Variants in STIM1 observed in about 807,000 individuals in gnomAD.
STIM1 encodes stromal interaction molecule 1.
A neutral mutation model predicts 74.7 loss-of-function variants in STIM1; 25 were observed. The observed-to-expected ratio is 0.33, with a 90% CI of 0.24 to 0.47. The LOEUF (loss-of-function observed/expected upper bound fraction) is 0.47. STIM1 is among the 20% of genes least tolerant of loss of function. The pLI is 1.00. For synonymous variants in STIM1, 328 were observed against 348.8 expected (o/e 0.94, Z 0.66); for missense variants, 728 against 920.8 (o/e 0.79, Z 2.71).
chr11:4,010,066 C>T (rs755680747), intron 2 of STIM1, among the ~76,000 whole-genome samples: 1 of 152,100 alleles, frequency 6.6e-6, no homozygotes, highest in South Asian at 2.1e-4. Context: ...CCTTCCACCT[C>T]GGCCTCCCAA....
intron 2 of STIM1, among the ~76,000 whole-genome samples, chr11:3,988,350 T>C (rs11030517): frequency 0.077 from 11,766 of 152,270 alleles, 696 homozygotes; most frequent in Non-Finnish European, 0.11. Flanking sequence ...TTTACATTTT[T>C]TTCTTTCATA....
chr11:3,891,606 A>T (rs913509533), intron 1 of STIM1, among the ~76,000 whole-genome samples: 3 of 152,100 alleles, frequency 2.0e-5, no homozygotes, highest in African/African-American at 7.2e-5. Flanking sequence ...TTAATTATTT[A>T]CTTTGATATC....
intron 7 of STIM1, among the ~76,000 whole-genome samples, chr11:4,080,541 A>G (rs1262458528): frequency 2.1e-5 from 3 of 143,994 alleles, no homozygotes; most frequent in African/African-American, 7.7e-5. Context: ...ATCTTGGCTC[A>G]CTGCAGTCTT....
chr11:4,040,444 A>G (rs751915862), intron 3 of STIM1, among the ~76,000 whole-genome samples: 15 of 152,110 alleles, frequency 9.9e-5, no homozygotes, highest in Non-Finnish European at 1.3e-4. Context: ...TTAAAACTCA[A>G]TTAATCATTT....
intron 1 of STIM1, among the ~76,000 whole-genome samples, chr11:3,895,622 C>CT (rs1320723043): frequency 2.8e-4 from 1 of 3,618 alleles, no homozygotes; most frequent in Non-Finnish European, 7.3e-4. Context: ...TTCTTTCTTT[C>CT]TTTCTTTCTT....
At chr11:3,956,282 AG>A (rs1357675403) in intron 1 of STIM1, among the ~76,000 whole-genome samples, 1 of 152,210 alleles carries the variant, frequency 6.6e-6, no homozygotes, top group Non-Finnish European at 1.5e-5. Context: ...TGCTGTGTGC[AG>A]GATAAGAGTT....
chr11:3,979,833 C>T (rs1358589861), intron 2 of STIM1, among the ~76,000 whole-genome samples: 1 of 152,122 alleles, frequency 6.6e-6, no homozygotes, highest in Non-Finnish European at 1.5e-5. Context: ...TTTCCAGTCC[C>T]CTTTCTTTGC....
At chr11:3,915,194 C>G (rs1045828563) in intron 1 of STIM1, among the ~76,000 whole-genome samples, 7 of 152,076 alleles carry the variant, frequency 4.6e-5, no homozygotes, top group Non-Finnish European at 7.4e-5. Flanking sequence ...AATATTTTCT[C>G]CCATTCTATA....
chr11:3,897,888 C>T (rs7936951), intron 1 of STIM1, among the ~76,000 whole-genome samples: 41,418 of 151,906 alleles, frequency 0.27, 7,418 homozygotes, highest in African/African-American at 0.51. Context: ...TGTATATGTG[C>T]CACATTTTCT....
intron 2 of STIM1, among the ~76,000 whole-genome samples, chr11:4,008,227 G>T (rs2093801958): frequency 6.6e-6 from 1 of 152,016 alleles, no homozygotes; most frequent in African/African-American, 2.4e-5. Flanking sequence ...GTAACATGTT[G>T]TACAAGTTTG....
In STIM1 at chr11:3,887,744, G is replaced by A. The variant is rs543529770; in HGVS notation, c.139+31335G>A. Among the ~76,000 whole-genome samples, 103 of 152,106 alleles carry A rather than the reference G, an allele frequency of 6.8e-4. No homozygotes were observed. In the South Asian group the frequency reaches 0.013, roughly 19 times the overall value. ...AGCACTTTGGGAGGCCGAGACGGGC[G>A]GATCACGAGGTCAGGAGATTGAGAC... On this transcript the variant is annotated intron_variant, in intron 1 of 12. Coordinates refer to ENST00000526596, the MANE Select transcript of STIM1 (RefSeq NM_001382567.1).
chr11:3,894,668 A>G (rs2092002106), intron 1 of STIM1, among the ~76,000 whole-genome samples: 1 of 152,150 alleles, frequency 6.6e-6, no homozygotes. Context: ...TTTAGGGCTG[A>G]TTCCTAGGAA....
chr11:3,991,696 A>G (rs1393344640), intron 2 of STIM1, among the ~76,000 whole-genome samples: 1 of 151,298 alleles, frequency 6.6e-6, no homozygotes. Context: ...CGCCTGTAAT[A>G]CCAGCACTTT....
intron 3 of STIM1, among the ~76,000 whole-genome samples, chr11:4,031,125 T>C (rs886623025): frequency 2.6e-5 from 4 of 152,228 alleles, no homozygotes; most frequent in Admixed American, 2.0e-4. Context: ...TACAGTTTTA[T>C]GTAAATGGAG....
intron 12 of STIM1, among the ~76,000 whole-genome samples, chr11:4,087,207 C>G (rs1016214029): frequency 3.9e-5 from 6 of 152,180 alleles, no homozygotes; most frequent in Non-Finnish European, 7.4e-5. Flanking sequence ...CTGTGCCAGG[C>G]TCTGCTGGGC....
At chr11:3,965,907 T>G (rs964525334) in intron 1 of STIM1, among the ~76,000 whole-genome samples, 11 of 152,268 alleles carry the variant, frequency 7.2e-5, no homozygotes, top group African/African-American at 2.2e-4. Flanking sequence ...CTCGGAAGGC[T>G]GAGGCAGGAG....
chr11:4,072,880 C>T (rs186928941), intron 6 of STIM1, among the ~76,000 whole-genome samples: 1 of 152,164 alleles, frequency 6.6e-6, no homozygotes, highest in African/African-American at 2.4e-5. Context: ...GCATATATCG[C>T]CATCTGGTGT....
At position 3,945,530 on chromosome 11, in the gene STIM1, C is replaced by G. The variant is rs934768905; in HGVS notation, c.140-22022C>G. Among the ~76,000 whole-genome samples, 7 of 152,074 alleles carry G rather than the reference C, an allele frequency of 4.6e-5. 1 individual carries two copies. The highest frequency in any genetic ancestry group is 4.6e-4 in the Admixed American group (7 of 15,258). Reference sequence around the variant, plus strand: ...AGGAGAATCACTTGAACCCGGGAGGCGGAGGTTGCAGTGAGCCGAGATTGC... The same window carrying G: ...AGGAGAATCACTTGAACCCGGGAGGGGGAGGTTGCAGTGAGCCGAGATTGC... On this transcript the variant is annotated intron_variant, in intron 1 of 12. Coordinates refer to ENST00000526596, the MANE Select transcript of STIM1 (RefSeq NM_001382567.1).
Position 3,856,139 on chromosome 11 carries a change from G to A in STIM1, c.-132G>A. The A allele has an allele frequency of 8.0e-7, 1 of 1,244,298 alleles. No individual in the cohort carries two copies. The highest frequency in any genetic ancestry group is 1.2e-6 in the Non-Finnish European group (1 of 866,060). The allele number at this position is 1,244,298 out of a possible 1,614,324, so 77.1% of individuals were successfully genotyped here. On this transcript the variant is annotated 5_prime_UTR_variant, in exon 1 of 13. Transcript: ENST00000526596. ...GGCTGTTGGAGGGGGCAGGCTCGCGGGTGGCTGGACAGCTGCGGAGCCGCG... is the reference window on the plus strand; with the variant it reads ...GGCTGTTGGAGGGGGCAGGCTCGCGAGTGGCTGGACAGCTGCGGAGCCGCG...
Sources: allele counts gnomAD v4.1 joint callset (sites outside exome capture counted in the v4.1 genomes callset), GRCh38; gene constraint gnomAD v4.1.1; transcripts MANE v1.5; gene names NCBI Gene and HGNC (gene_info 2026-07-23, HGNC 2026-07-21).